MAPK4: variants seen among roughly 807,000 people sequenced by gnomAD.
MAPK4 encodes Erk3-related.
In MAPK4, 22 loss-of-function variants were observed where a neutral mutation model predicts 47.7. The observed-to-expected ratio is 0.46, with a 90% CI of 0.33 to 0.66. The LOEUF is 0.66. MAPK4 is among the 30% of genes least tolerant of loss of function. MAPK4 has a pLI of 0.02. For synonymous variants in MAPK4, 390 were observed against 365.7 expected (o/e 1.07, Z -0.76); for missense variants, 736 against 831.7 (o/e 0.88, Z 1.42).
chr18:50,602,764 C>T (rs9953667), intron 1 of MAPK4, among the ~76,000 whole-genome samples: 6,149 of 152,142 alleles, frequency 0.04, 445 homozygotes, highest in African/African-American at 0.14. Flanking sequence ...GGCCACACTC[C>T]CTGCATGAAG....
chr18:50,682,024 A>G (rs1908616778), intron 2 of MAPK4, among the ~76,000 whole-genome samples: 1 of 152,192 alleles, frequency 6.6e-6, no homozygotes, highest in South Asian at 2.1e-4. Flanking sequence ...GAATAGGCAA[A>G]CCCATAGAGA....
At chr18:50,561,484 CAG>C (rs747718160) in intron 1 of MAPK4, among the ~76,000 whole-genome samples, 2 of 152,192 alleles carry the variant, frequency 1.3e-5, no homozygotes, top group Non-Finnish European at 2.9e-5. Flanking sequence ...CTCAATGTAA[CAG>C]ATATTTATTG....
chr18:50,682,710 A>G (rs1908656402), intron 2 of MAPK4, among the ~76,000 whole-genome samples: 1 of 152,256 alleles, frequency 6.6e-6, no homozygotes, highest in Non-Finnish European at 1.5e-5. Flanking sequence ...CATCTGTCAT[A>G]TGATCCAGAC....
rs190958169 is a variant in MAPK4, at chr18:50,671,963, T to C, written c.546+7459T>C. Among the ~76,000 whole-genome samples, 265 of 151,820 alleles carry C rather than the reference T, an allele frequency of 1.7e-3. 9 individuals are homozygous for C. Among genetic ancestry groups the C allele is most frequent in the Non-Finnish European group, 1.4e-3 (93 of 67,992 alleles). ...TCCTGGGCACTCTGTCTTTCTTTGA[T>C]GGCTTCTTGCCTGAGAAAAACACAC... On this transcript the variant is annotated intron_variant, in intron 2 of 5. Transcript: ENST00000400384.
intron 1 of MAPK4, among the ~76,000 whole-genome samples, chr18:50,632,407 C>T (rs146123843): frequency 1.7e-4 from 26 of 152,168 alleles, no homozygotes; most frequent in Admixed American, 3.9e-4. Context: ...TTCCAGTGCC[C>T]GTCTCAAATG....
intron 1 of MAPK4, among the ~76,000 whole-genome samples, chr18:50,653,342 T>A (rs2043072483): frequency 6.6e-6 from 1 of 152,216 alleles, no homozygotes; most frequent in Admixed American, 6.5e-5. Context: ...ATACCTTTTA[T>A]GGCTGGTGAG....
At chr18:50,700,909 T>G (rs574906725) in intron 2 of MAPK4, among the ~76,000 whole-genome samples, 2 of 152,074 alleles carry the variant, frequency 1.3e-5, no homozygotes, top group South Asian at 4.2e-4. Flanking sequence ...ATCAAACCTT[T>G]TCTGGTGGCC....
intron 1 of MAPK4, among the ~76,000 whole-genome samples, chr18:50,591,907 C>T (rs751745602): frequency 6.6e-6 from 1 of 152,082 alleles, no homozygotes; most frequent in South Asian, 2.1e-4. Context: ...ATAAGCACCT[C>T]ATGAAGTACT....
At chr18:50,561,087 G>T (rs2042149535) in intron 1 of MAPK4, among the ~76,000 whole-genome samples, 1 of 152,268 alleles carries the variant, frequency 6.6e-6, no homozygotes, top group South Asian at 2.1e-4. Context: ...TCCCGCCCCT[G>T]GGTGGGGAAT....
At position 50,725,262 on chromosome 18, in the gene MAPK4, T is replaced by A. The variant is rs374846168; in HGVS notation, c.854-700T>A. 3.8e-4 allele frequency among the ~76,000 whole-genome samples: 58 copies of A among 152,298 alleles called. No homozygotes were observed. The East Asian group carries it at 8.1e-3, about 21-fold the overall frequency. On this transcript the variant is annotated intron_variant, in intron 4 of 5. Coordinates refer to ENST00000400384, the MANE Select transcript of MAPK4 (RefSeq NM_002747.4). ...TATCCATCCATCAAGGCTGTCTGCC[T>A]TTGTTGAACTTCCAGGGGCAGCATA...
rs1484682742 is a variant in MAPK4 at position 50,592,824 on chromosome 18, G to C, written c.-871+32581G>C. 3.3e-5 allele frequency among the ~76,000 whole-genome samples: 5 copies of C among 152,260 alleles called. No homozygotes were observed. The East Asian group carries it at 7.7e-4, about 23-fold the overall frequency. On this transcript the variant is annotated intron_variant, in intron 1 of 5. Transcript: ENST00000400384. ...GTAGTCCAACTTTTCATCTAATGCA[G>C]GTAGGTACCCAAATAGAGGACAATT... is the stretch of plus-strand genomic sequence containing the variant.
At chr18:50,574,581 A>G (rs1363007949) in intron 1 of MAPK4, among the ~76,000 whole-genome samples, 4 of 152,190 alleles carry the variant, frequency 2.6e-5, no homozygotes, top group African/African-American at 9.6e-5. Flanking sequence ...TATTACAGAG[A>G]TTGACCATCA....
chr18:50,703,601 G>A (rs1000721296), intron 2 of MAPK4, among the ~76,000 whole-genome samples: 5 of 152,130 alleles, frequency 3.3e-5, no homozygotes, highest in Non-Finnish European at 5.9e-5. Context: ...CCTCTCCCAG[G>A]TATCGAGTTG....
At chr18:50,693,673 T>G (rs1435213793) in intron 2 of MAPK4, among the ~76,000 whole-genome samples, 1 of 152,230 alleles carries the variant, frequency 6.6e-6, no homozygotes, top group Non-Finnish European at 1.5e-5. Flanking sequence ...GGTGGAGTGG[T>G]GCTTTCAAGC....
At chr18:50,626,549 GTC>G (rs2042780155) in intron 1 of MAPK4, among the ~76,000 whole-genome samples, 6 of 152,182 alleles carry the variant, frequency 3.9e-5, no homozygotes, top group African/African-American at 1.4e-4. Context: ...TCATCAAGGT[GTC>G]ACATGTGGCC....
chr18:50,686,608 C>T (rs1405086237), intron 2 of MAPK4, among the ~76,000 whole-genome samples: 1 of 152,244 alleles, frequency 6.6e-6, no homozygotes, highest in African/African-American at 2.4e-5. Flanking sequence ...ATCTTGCCAG[C>T]TGGCTTCCTG....
At chr18:50,587,798 G>T (rs9945243) in intron 1 of MAPK4, among the ~76,000 whole-genome samples, 7 of 152,044 alleles carry the variant, frequency 4.6e-5, no homozygotes, top group African/African-American at 1.7e-4. Context: ...GCGCGATCTC[G>T]GCTCATTGCA....
chr18:50,624,071 C>T (rs1469752802), intron 1 of MAPK4, among the ~76,000 whole-genome samples: 1 of 152,196 alleles, frequency 6.6e-6, no homozygotes, highest in Non-Finnish European at 1.5e-5. Flanking sequence ...ATCACCTGTC[C>T]CTATTTATTC....
chr18:50,690,310 A>G (rs974127789), intron 2 of MAPK4, among the ~76,000 whole-genome samples: 2 of 152,182 alleles, frequency 1.3e-5, no homozygotes, highest in Non-Finnish European at 2.9e-5. Flanking sequence ...TTATATTTCT[A>G]ACCTACTCCC....
Sources: gnomAD v4.1 joint callset for allele counts (sites outside exome capture counted in the v4.1 genomes callset) on GRCh38, gnomAD v4.1.1 for gene constraint, MANE v1.5 for transcripts, NCBI Gene and HGNC (gene_info 2026-07-23, HGNC 2026-07-21) for gene names.